Variants in SLC6A11 observed in about 807,000 individuals in gnomAD.
SLC6A11 encodes the protein solute carrier family 6 member 11, also known as sodium- and chloride-dependent GABA transporter 3.
SLC6A11 carries 25 observed loss-of-function variants against 74.8 expected under a neutral mutation model. That is an observed-to-expected ratio of 0.33 (90% confidence interval 0.24 to 0.47). SLC6A11 has a LOEUF of 0.47. Among genes scored for constraint, SLC6A11 ranks in the 20% least tolerant of loss-of-function variants. The pLI, the probability that SLC6A11 is intolerant of heterozygous loss-of-function variation, is 1.00. For missense variants in SLC6A11, 574 were observed against 837.0 expected (o/e 0.69, Z 3.88); for synonymous variants, 330 against 330.2 (o/e 1.00, Z 0.01).
At chr3:10,907,783 G>A (rs550249923) in intron 6 of SLC6A11, among the ~76,000 whole-genome samples, 3 of 152,278 alleles carry the variant, frequency 2.0e-5, no homozygotes, top group Middle Eastern at 3.4e-3. Context: ...ATTGCCTTTC[G>A]AGTATGAAAG....
chr3:10,919,369 G>A (rs1200537719), intron 8 of SLC6A11, among the ~76,000 whole-genome samples: 1 of 152,208 alleles, frequency 6.6e-6, no homozygotes, highest in Non-Finnish European at 1.5e-5. Flanking sequence ...AGCATGTCCA[G>A]TGGGACATAT....
At chr3:10,891,545 A>G (rs1035383008) in intron 6 of SLC6A11, among the ~76,000 whole-genome samples, 4 of 152,246 alleles carry the variant, frequency 2.6e-5, no homozygotes, top group African/African-American at 9.6e-5. Flanking sequence ...ATAGAGTAAA[A>G]TTATACTCAT....
At chr3:10,907,165 A>G (rs765629764) in intron 6 of SLC6A11, among the ~76,000 whole-genome samples, 3 of 152,250 alleles carry the variant, frequency 2.0e-5, no homozygotes, top group Non-Finnish European at 2.9e-5. Context: ...GGCAAATAGC[A>G]TACATGAAAT....
intron 6 of SLC6A11, among the ~76,000 whole-genome samples, chr3:10,908,559 C>T (rs1411513274): frequency 6.6e-6 from 1 of 151,826 alleles, no homozygotes; most frequent in Non-Finnish European, 1.5e-5. Flanking sequence ...ATCTCTTCTC[C>T]AATCTCAAAA....
chr3:10,860,551 A>G (rs1255060099), intron 5 of SLC6A11, among the ~76,000 whole-genome samples: 2 of 152,230 alleles, frequency 1.3e-5, no homozygotes, highest in African/African-American at 4.8e-5. Context: ...GAAGAAGGGA[A>G]AATCCAGGCT....
intron 4 of SLC6A11, among the ~76,000 whole-genome samples, chr3:10,835,936 AT>A (rs1484960791): frequency 1.3e-5 from 2 of 152,184 alleles, no homozygotes; most frequent in African/African-American, 2.4e-5. Context: ...CTTTGAGTAA[AT>A]TTACCAAGTG....
intron 6 of SLC6A11, among the ~76,000 whole-genome samples, chr3:10,907,739 GA>G (rs1448659347): frequency 6.6e-6 from 1 of 152,164 alleles, no homozygotes; most frequent in South Asian, 2.1e-4. Flanking sequence ...CTCAGGAAAA[GA>G]AAAAGAGAGC....
intron 5 of SLC6A11, among the ~76,000 whole-genome samples, chr3:10,860,578 G>A (rs910532941): frequency 1.2e-4 from 18 of 152,208 alleles, no homozygotes; most frequent in African/African-American, 3.9e-4. Context: ...GCTTCAAGGC[G>A]GGAGAAGGAG....
intron 6 of SLC6A11, among the ~76,000 whole-genome samples, chr3:10,895,585 C>T (rs1352955336): frequency 2.0e-5 from 3 of 152,152 alleles, no homozygotes; most frequent in Non-Finnish European, 2.9e-5. Flanking sequence ...ACAACACACA[C>T]TGGGGCCTGT....
At chr3:10,843,551 G>A (rs1009308175) in intron 4 of SLC6A11, among the ~76,000 whole-genome samples, 1 of 152,154 alleles carries the variant, frequency 6.6e-6, no homozygotes, top group Non-Finnish European at 1.5e-5. Flanking sequence ...ACCCCCTGTA[G>A]CAGTCAGGAT....
At chr3:10,887,898 G>A (rs1695064003) in intron 6 of SLC6A11, among the ~76,000 whole-genome samples, 2 of 152,250 alleles carry the variant, frequency 1.3e-5, no homozygotes, top group Admixed American at 6.5e-5. Context: ...GGAATCATAA[G>A]AAATAAGATG....
chr3:10,849,361 G>GT (rs1318693884), intron 5 of SLC6A11, among the ~76,000 whole-genome samples: 1 of 151,916 alleles, frequency 6.6e-6, no homozygotes, highest in Admixed American at 6.6e-5. Context: ...CTATGTCATT[G>GT]TTTTTTTTCA....
intron 9 of SLC6A11, among the ~76,000 whole-genome samples, chr3:10,928,530 C>T (rs781756381): frequency 6.6e-6 from 1 of 152,146 alleles, no homozygotes; most frequent in African/African-American, 2.4e-5. Flanking sequence ...GGGCAGATAC[C>T]TTGTACCTGG....
In SLC6A11 at chr3:10,823,288, T is replaced by C. The variant is rs1559551768; in HGVS notation, c.533-14T>C. ...ATTAATTTTCTTCTATTTCTTGTCT[T>C]GTTTCCACTGTAGAGAATTGTGTGG... On this transcript the variant is annotated splice_polypyrimidine_tract_variant and intron_variant, in intron 3 of 13. Transcript: ENST00000254488. 3.2e-6 allele frequency: 5 copies of C among 1,582,460 alleles called. No homozygotes were observed. The Admixed American group carries it at 8.3e-5, about 26-fold the overall frequency.
chr3:10,873,424 C>CCTACA (rs1694855150), intron 5 of SLC6A11, among the ~76,000 whole-genome samples: 1 of 138,702 alleles, frequency 7.2e-6, no homozygotes, highest in African/African-American at 2.8e-5. Context: ...CCTATCCTAT[C>CCTACA]CTATCCTATC....
chr3:10,846,598 T>A (rs778915285), intron 5 of SLC6A11, among the ~76,000 whole-genome samples: 21 of 152,194 alleles, frequency 1.4e-4, no homozygotes, highest in Non-Finnish European at 2.6e-4. Context: ...ACTGGGCGAT[T>A]AAGTCTGAGC....
intron 8 of SLC6A11, among the ~76,000 whole-genome samples, chr3:10,922,154 T>G (rs1484048675): frequency 6.6e-6 from 1 of 152,188 alleles, no homozygotes. Flanking sequence ...AACAGTGCAC[T>G]CAGTGCCTGC....
In SLC6A11 at chr3:10,817,982, A is replaced by G. The variant is rs187588620; in HGVS notation, c.256+1461A>G. 3.1e-4 allele frequency among the ~76,000 whole-genome samples: 47 copies of G among 152,152 alleles called. No homozygotes were observed. In the East Asian group the frequency reaches 7.5e-3, roughly 24 times the overall value. ...AATTGTTTTAACATCTTTTTTTTCCATACAGGAAATTGTTGTGCCAAAACA... is the reference window on the plus strand; with the variant it reads ...AATTGTTTTAACATCTTTTTTTTCCGTACAGGAAATTGTTGTGCCAAAACA... On this transcript the variant is annotated intron_variant, in intron 1 of 13. Coordinates refer to ENST00000254488, the MANE Select transcript of SLC6A11 (RefSeq NM_014229.3).
At chr3:10,929,048 C>T (rs189294904) in intron 9 of SLC6A11, among the ~76,000 whole-genome samples, 154 bp from the exon 10 acceptor site, 15 of 151,844 alleles carry the variant, frequency 9.9e-5, no homozygotes, top group African/African-American at 3.6e-4. Flanking sequence ...TCCGCTAGTG[C>T]TGGGATGACT....
Sources: allele counts gnomAD v4.1 joint callset (sites outside exome capture counted in the v4.1 genomes callset), GRCh38; gene constraint gnomAD v4.1.1; transcripts MANE v1.5; gene names NCBI Gene and HGNC (gene_info 2026-07-23, HGNC 2026-07-21).